GRHL2: variants seen among roughly 807,000 people sequenced by gnomAD.
GRHL2 encodes the protein grainyhead like transcription factor 2, also known as grainyhead-like protein 2 homolog.
In GRHL2, 21 loss-of-function variants were observed where a neutral mutation model predicts 83.8. The observed-to-expected ratio is 0.25, with a 90% CI of 0.18 to 0.36. The LOEUF (loss-of-function observed/expected upper bound fraction) is 0.36. GRHL2 is among the 10% of genes least tolerant of loss of function. The pLI is 1.00. For synonymous variants in GRHL2, 280 were observed against 278.9 expected (o/e 1.00, Z -0.04); for missense variants, 623 against 781.8 (o/e 0.80, Z 2.42).
intron 12 of GRHL2, among the ~76,000 whole-genome samples, chr8:101,640,300 AC>A (rs1411852123): frequency 6.6e-6 from 1 of 152,194 alleles, no homozygotes; most frequent in African/African-American, 2.4e-5. Context: ...GTCCTGACAC[AC>A]AGAATTTGAT....
downstream of GRHL2, among the ~76,000 whole-genome samples, chr8:101,674,667 C>A (rs538028995): frequency 6.6e-6 from 1 of 152,210 alleles, no homozygotes; most frequent in Non-Finnish European, 1.5e-5. Context: ...GAAACTATTC[C>A]AATCAATAGA....
intron 1 of GRHL2, among the ~76,000 whole-genome samples, chr8:101,514,167 A>G (rs938577031): frequency 7.9e-5 from 12 of 152,106 alleles, no homozygotes; most frequent in African/African-American, 2.7e-4. Flanking sequence ...GCTCATACCC[A>G]TATGTGCACA....
At position 101,552,759 on chromosome 8, in the gene GRHL2, C is replaced by G. The variant is rs769261171; in HGVS notation, c.261C>G (p.Asp87Glu). ...TGCTGTCTGTAAGCAAAGCAAGTGA[C>G]AGCCAAGAAGACCAGGAGAAAAGGT... ...KRLLSVSKAS[D>E]SQEDQEKRNC... Residue 87 changes from aspartate to glutamate, a missense_variant, in exon 3 of 16, where the codon GAC becomes GAG. Around this residue, in one of 8 missense-constraint regions of GRHL2, gnomAD observed 239 missense variants for 240.5 expected, o/e 0.99. Transcript: ENST00000646743. The G allele has an allele frequency of 1.4e-5, 23 of 1,613,970 alleles. No homozygotes were observed. The highest frequency in any genetic ancestry group is 1.9e-5 in the Non-Finnish European group (22 of 1,179,984).
chr8:101,521,616 C>G (rs968318423), intron 1 of GRHL2, among the ~76,000 whole-genome samples: 3 of 152,162 alleles, frequency 2.0e-5, no homozygotes, highest in African/African-American at 2.4e-5. Context: ...TACCAGCTCA[C>G]AGTAGGTGCT....
At chr8:101,603,576 A>G (rs1812562971) in intron 8 of GRHL2, among the ~76,000 whole-genome samples, 1 of 152,248 alleles carries the variant, frequency 6.6e-6, no homozygotes, top group Non-Finnish European at 1.5e-5. Context: ...TGTTAAAGCT[A>G]TTAGTTAAAA....
At chr8:101,610,108 G>A (rs1245563811) in intron 8 of GRHL2, among the ~76,000 whole-genome samples, 1 of 150,800 alleles carries the variant, frequency 6.6e-6, no homozygotes, top group African/African-American at 2.5e-5. Flanking sequence ...GAGCAGAGCA[G>A]GAGAAACTGT....
intron 1 of GRHL2, among the ~76,000 whole-genome samples, chr8:101,513,759 G>A (rs933649258): frequency 6.6e-6 from 1 of 152,088 alleles, no homozygotes; most frequent in African/African-American, 2.4e-5. Flanking sequence ...GCCTCCCAAA[G>A]TTCTGGGATT....
At chr8:101,651,198 T>C (rs1485005387) in intron 14 of GRHL2, among the ~76,000 whole-genome samples, 1 of 152,262 alleles carries the variant, frequency 6.6e-6, no homozygotes, top group Non-Finnish European at 1.5e-5. Context: ...CAGACCTCTC[T>C]GGACAACTTT....
chr8:101,578,822 C>T (rs781403658), intron 7 of GRHL2, among the ~76,000 whole-genome samples: 14 of 152,304 alleles, frequency 9.2e-5, no homozygotes, highest in Non-Finnish European at 2.1e-4. Context: ...TTCTTGACCA[C>T]ACTGGCAGAG....
At chr8:101,656,377 A>G (rs972232060) in intron 14 of GRHL2, among the ~76,000 whole-genome samples, 2 of 152,228 alleles carry the variant, frequency 1.3e-5, no homozygotes, top group African/African-American at 4.8e-5. Flanking sequence ...AAATAGCATC[A>G]TCACTACTTT....
chr8:101,510,239 A>G (rs1407792754), intron 1 of GRHL2, among the ~76,000 whole-genome samples: 1 of 152,242 alleles, frequency 6.6e-6, no homozygotes, highest in Non-Finnish European at 1.5e-5. Context: ...TCGAGTGATC[A>G]GCCCACCTCT....
At chr8:101,646,679 T>G (rs181095628) in intron 13 of GRHL2, among the ~76,000 whole-genome samples, 237 of 152,356 alleles carry the variant, frequency 1.6e-3, no homozygotes, top group Non-Finnish European at 2.4e-3. Flanking sequence ...CGATTATTGG[T>G]TTTTGCCTTT....
intron 1 of GRHL2, among the ~76,000 whole-genome samples, chr8:101,519,341 C>T (rs1176281301): frequency 1.3e-5 from 2 of 152,048 alleles, no homozygotes; most frequent in Non-Finnish European, 2.9e-5. Context: ...GATTCTTCTA[C>T]TGTTTTTATG....
intron 7 of GRHL2, among the ~76,000 whole-genome samples, chr8:101,586,822 T>C (rs1261116448): frequency 6.6e-6 from 1 of 152,230 alleles, no homozygotes; most frequent in Non-Finnish European, 1.5e-5. Flanking sequence ...TGACTGGGGT[T>C]GGACTCTCCT....
intron 9 of GRHL2, among the ~76,000 whole-genome samples, chr8:101,622,529 T>C (rs1812986721): frequency 6.6e-6 from 1 of 152,040 alleles, no homozygotes; most frequent in Admixed American, 6.6e-5. Flanking sequence ...TATTTTAAAA[T>C]TGGGAAGGAT....
chr8:101,626,731 G>A (rs1330041988), intron 9 of GRHL2, among the ~76,000 whole-genome samples: 1 of 152,018 alleles, frequency 6.6e-6, no homozygotes, highest in African/African-American at 2.4e-5. Context: ...TTTAGTATCT[G>A]TAGCAAATTA....
At chr8:101,502,952 A>G (rs1810261948) in intron 1 of GRHL2, among the ~76,000 whole-genome samples, 1 of 152,326 alleles carries the variant, frequency 6.6e-6, no homozygotes, top group South Asian at 2.1e-4. Context: ...GTAAATGTTC[A>G]GAAGAGATTT....
At chr8:101,536,835 T>C (rs1300875988) in intron 1 of GRHL2, among the ~76,000 whole-genome samples, 1 of 152,210 alleles carries the variant, frequency 6.6e-6, no homozygotes, top group African/African-American at 2.4e-5. Flanking sequence ...TAAACTCATG[T>C]CACAAGAGTT....
intron 8 of GRHL2, among the ~76,000 whole-genome samples, chr8:101,606,548 T>G (rs781570567): frequency 6.6e-6 from 1 of 152,230 alleles, no homozygotes; most frequent in Non-Finnish European, 1.5e-5. Context: ...CATCTATATT[T>G]GTAAATCCAC....
Sources: gnomAD v4.1 joint callset for allele counts (sites outside exome capture counted in the v4.1 genomes callset) on GRCh38, gnomAD v4.1.1 for gene constraint, gnomAD v4.1.1 regional missense constraint, MANE v1.5 for transcripts, NCBI Gene and HGNC (gene_info 2026-07-23, HGNC 2026-07-21) for gene names.